RPTOR: variants seen among roughly 807,000 people sequenced by gnomAD.
RPTOR encodes regulatory associated protein of MTOR complex 1, also known as regulatory-associated protein of mTOR.
Under a neutral mutation model 169.9 loss-of-function variants are expected in RPTOR, and 21 were observed. That is an observed-to-expected ratio of 0.12 (90% CI 0.09 to 0.18). The LOEUF is 0.18. RPTOR is among the 10% of genes least tolerant of loss of function. The pLI is 1.00. For missense variants in RPTOR, 1,133 were observed against 1,855.9 expected (o/e 0.61, Z 7.16); for synonymous variants, 732 against 753.2 (o/e 0.97, Z 0.46).
chr17:80,644,156 C>T (rs1006809), intron 3 of RPTOR, among the ~76,000 whole-genome samples: 96,599 of 152,086 alleles, frequency 0.64, 31,099 homozygotes, highest in African/African-American at 0.73. Context: ...TCTGCAACCT[C>T]AACTAGTTAA....
chr17:80,611,833 C>T (rs1243186528), intron 1 of RPTOR, among the ~76,000 whole-genome samples: 2 of 150,104 alleles, frequency 1.3e-5, no homozygotes, highest in Non-Finnish European at 3.0e-5. Context: ...AGAGGTTTTT[C>T]CCCCCCTGTA....
At chr17:80,674,674 G>T (rs1038182673) in intron 3 of RPTOR, among the ~76,000 whole-genome samples, 2 of 151,904 alleles carry the variant, frequency 1.3e-5, no homozygotes, top group Non-Finnish European at 2.9e-5. Context: ...TGTAGTCCCA[G>T]CTACCTGGGA....
intron 4 of RPTOR, among the ~76,000 whole-genome samples, chr17:80,717,064 T>C (rs1009519115): frequency 1.3e-5 from 2 of 152,218 alleles, no homozygotes; most frequent in Non-Finnish European, 2.9e-5. Context: ...TGTTTTTTGG[T>C]TCCATATGAG....
intron 3 of RPTOR, among the ~76,000 whole-genome samples, chr17:80,652,810 A>C (rs2065651162): frequency 6.6e-6 from 1 of 152,190 alleles, no homozygotes; most frequent in South Asian, 2.1e-4. Flanking sequence ...GGCACTCCCA[A>C]TCTATTTTCC....
rs2084263172 is a variant in RPTOR at position 80,545,499 on chromosome 17, C to G, written c.-131C>G. On this transcript the variant is annotated 5_prime_UTR_variant, in exon 1 of 34. Transcript: ENST00000306801. ...TTTTGCCTGAGTAAGGGTCTCCGCA[C>G]TCTTTATCCATTTGGTTTTCGATTT... The G allele has an allele frequency of 5.7e-6, 4 of 702,812 alleles. No individual in the cohort carries two copies. The highest frequency in any genetic ancestry group is 3.6e-5 in the African/African-American group (2 of 55,302). The allele number at this position is 702,812 out of a possible 1,614,324, so 43.5% of individuals were successfully genotyped here. A position where few individuals can be genotyped will look rare whatever the true frequency, so the allele number is the denominator to read the frequency against.
At chr17:80,880,162 C>T (rs1195275839) in intron 13 of RPTOR, among the ~76,000 whole-genome samples, 6 of 152,090 alleles carry the variant, frequency 3.9e-5, no homozygotes, top group East Asian at 1.9e-4. Context: ...AGCAGGTGCC[C>T]GGACGTTGTG....
intron 1 of RPTOR, among the ~76,000 whole-genome samples, chr17:80,608,261 A>T (rs1286955493): frequency 1.3e-5 from 2 of 152,196 alleles, no homozygotes; most frequent in African/African-American, 4.8e-5. Flanking sequence ...GCAAATAGGA[A>T]TTTATGATCT....
intron 24 of RPTOR, among the ~76,000 whole-genome samples, chr17:80,938,842 G>A (rs1005408829): frequency 1.3e-5 from 2 of 152,208 alleles, no homozygotes; most frequent in Non-Finnish European, 2.9e-5. Flanking sequence ...AATCAGAGCT[G>A]ACACAAAGCA....
At chr17:80,666,575 G>T (rs1159448656) in intron 3 of RPTOR, among the ~76,000 whole-genome samples, 1 of 152,216 alleles carries the variant, frequency 6.6e-6, no homozygotes, top group African/African-American at 2.4e-5. Context: ...TTTGCTAGTT[G>T]CTGTGGATAT....
intron 3 of RPTOR, among the ~76,000 whole-genome samples, chr17:80,669,271 C>T (rs1483892011): frequency 6.6e-6 from 1 of 152,272 alleles, no homozygotes; most frequent in Non-Finnish European, 1.5e-5. Context: ...TTCTCTTGCC[C>T]TTGCACGGAA....
Position 80,784,154 on chromosome 17 carries a change from G to A in RPTOR, c.831-7296G>A, listed in dbSNP as rs145105251. ...TATTTGTGGAGATGGGGACTCAACT[G>A]TGCTGTCCACGCTGGCCTCACACTC... On this transcript the variant is annotated intron_variant, in intron 6 of 33. Transcript: ENST00000306801. Among the ~76,000 whole-genome samples, 1,248 of 151,354 alleles carry A rather than the reference G, an allele frequency of 8.2e-3. 15 individuals carry two copies. Among genetic ancestry groups the A allele is most frequent in the African/African-American group, 0.028 (1,152 of 41,258 alleles).
At chr17:80,822,474 G>A (rs1198653509) in intron 8 of RPTOR, among the ~76,000 whole-genome samples, 173 bp downstream of exon 8, 1 of 152,368 alleles carries the variant, frequency 6.6e-6, no homozygotes, top group South Asian at 2.1e-4. Flanking sequence ...TCTGCGAGGG[G>A]GTGAGTTACT....
At chr17:80,853,116 G>A (rs1243655537) in intron 11 of RPTOR, among the ~76,000 whole-genome samples, 2 of 152,066 alleles carry the variant, frequency 1.3e-5, no homozygotes, top group Admixed American at 6.5e-5. Flanking sequence ...TGTCCCCAAA[G>A]CGAGCACACT....
Position 80,577,242 on chromosome 17 carries a change from C to T in RPTOR, c.162+31451C>T, listed in dbSNP as rs548658931. On this transcript the variant is annotated intron_variant, in intron 1 of 33. Coordinates refer to ENST00000306801, the MANE Select transcript of RPTOR (RefSeq NM_020761.3). ...GATGGGTTTCACCGTGTTGGTCAGGCTAATCTTGAACTCCTGACCTCAGGC... is the reference window on the plus strand; with the variant it reads ...GATGGGTTTCACCGTGTTGGTCAGGTTAATCTTGAACTCCTGACCTCAGGC... 3.3e-5 allele frequency among the ~76,000 whole-genome samples: 5 copies of T among 152,180 alleles called. No individual in the cohort carries two copies. The South Asian group carries it at 8.3e-4, about 25-fold the overall frequency.
chr17:80,913,771 A>T (rs933360694), intron 21 of RPTOR, among the ~76,000 whole-genome samples: 17 of 152,108 alleles, frequency 1.1e-4, no homozygotes, highest in African/African-American at 4.1e-4. Flanking sequence ...GGTTTTTTTA[A>T]GGAAAATTTC....
At chr17:80,790,262 C>T (rs1305309732) in intron 6 of RPTOR, among the ~76,000 whole-genome samples, 3 of 152,210 alleles carry the variant, frequency 2.0e-5, no homozygotes, top group Non-Finnish European at 4.4e-5. Context: ...ATTTTCTCAG[C>T]TCTTTGAACG....
In RPTOR at chr17:80,708,060, C is replaced by G. The variant is rs913800862; in HGVS notation, c.507+61C>G. ...CAAAAGCCATGCCAATTGCGGTGGT[C>G]GGAGCAGGTCCTGCCCATCCGTAGC... On this transcript the variant is annotated intron_variant, in intron 4 of 33. Transcript: ENST00000306801. The surrounding 1 kb of genome is among the most constrained non-coding windows in gnomAD (Gnocchi z 4.2). The G allele has an allele frequency of 2.0e-6, 3 of 1,524,952 alleles. No homozygotes were observed. Among genetic ancestry groups the G allele is most frequent in the Non-Finnish European group, 2.7e-6 (3 of 1,119,348 alleles). The allele number at this position is 1,524,952 out of a possible 1,614,324, so 94.5% of individuals were successfully genotyped here. A position where few individuals can be genotyped will look rare whatever the true frequency, so the allele number is the denominator to read the frequency against.
intron 3 of RPTOR, among the ~76,000 whole-genome samples, chr17:80,654,828 A>T (rs1413700419): frequency 6.6e-6 from 1 of 152,234 alleles, no homozygotes; most frequent in Non-Finnish European, 1.5e-5. Context: ...AAGAGTCATA[A>T]AAGAGTGCTT....
chr17:80,581,680 G>GC (rs1236247250), intron 1 of RPTOR, among the ~76,000 whole-genome samples: 3 of 151,884 alleles, frequency 2.0e-5, no homozygotes, highest in Non-Finnish European at 2.9e-5. Context: ...TGCACATCGG[G>GC]CCAGTGCATG....
Sources: allele counts gnomAD v4.1 joint callset (sites outside exome capture counted in the v4.1 genomes callset), GRCh38; gene constraint gnomAD v4.1.1; non-coding constraint Gnocchi (gnomAD v3.1); transcripts MANE v1.5; gene names NCBI Gene and HGNC (gene_info 2026-07-23, HGNC 2026-07-21).